Variants in CERS3 observed in about 807,000 individuals in gnomAD.
CERS3 encodes the protein LAG1 homolog, ceramide synthase 3.
Under a neutral mutation model 50.3 loss-of-function variants are expected in CERS3, and 33 were observed. That is an observed-to-expected ratio of 0.66 (90% confidence interval 0.50 to 0.88). The LOEUF (loss-of-function observed/expected upper bound fraction) is 0.88, where lower values mean the gene tolerates loss of function less well. Among genes scored for constraint, CERS3 ranks in the 40% least tolerant of loss-of-function variants. CERS3 has a pLI of 0.00. For synonymous variants in CERS3, 176 were observed against 155.2 expected (o/e 1.13, Z -0.99); for missense variants, 470 against 460.3 (o/e 1.02, Z -0.19).
chr15:100,457,511 C>T (rs1163018711), intron 10 of CERS3, among the ~76,000 whole-genome samples: 1 of 152,222 alleles, frequency 6.6e-6, no homozygotes, highest in Non-Finnish European at 1.5e-5. Context: ...CAATAGCATG[C>T]TCCTTCTTAT....
intron 1 of CERS3, among the ~76,000 whole-genome samples, chr15:100,535,556 A>T (rs915590256): frequency 6.9e-6 from 1 of 145,806 alleles, no homozygotes; most frequent in African/African-American, 2.5e-5. Flanking sequence ...GCTCATATGT[A>T]AGCACGATTA....
chr15:100,463,155 C>A (rs1164288764), intron 10 of CERS3, among the ~76,000 whole-genome samples: 1 of 152,088 alleles, frequency 6.6e-6, no homozygotes, highest in African/African-American at 2.4e-5. Flanking sequence ...CTGTAGTATA[C>A]TAGAAATTTC....
At chr15:100,521,610 A>C (rs1171187918) in intron 2 of CERS3, 57 bp downstream of exon 2, 1 of 152,202 alleles carries the variant, frequency 6.6e-6, no homozygotes, top group East Asian at 1.9e-4. Context: ...TAATTTCCCA[A>C]GATTATAGTT....
Position 100,402,883 on chromosome 15 carries a change from T to C in CERS3, c.1000-18A>G, listed in dbSNP as rs1466704782. 3 of 1,568,488 alleles carry C rather than the reference T, an allele frequency of 1.9e-6. No individual in the cohort carries two copies. Among genetic ancestry groups the C allele is most frequent in the Middle Eastern group, 1.7e-4 (1 of 5,992 alleles). On this transcript the variant is annotated intron_variant, in intron 11 of 11. Coordinates refer to ENST00000679737, the MANE Select transcript of CERS3 (RefSeq NM_001378789.1). Reference sequence around the variant, plus strand: ...TGGATGCTCTAGACAAAGGAAAGAATTGGCTGTGAGTGACAATCTTCCAGG... The same window carrying C: ...TGGATGCTCTAGACAAAGGAAAGAACTGGCTGTGAGTGACAATCTTCCAGG...
intron 11 of CERS3, among the ~76,000 whole-genome samples, chr15:100,442,205 A>G (rs1404167079): frequency 1.3e-5 from 2 of 152,164 alleles, no homozygotes; most frequent in African/African-American, 4.8e-5. Flanking sequence ...AGCCCAGTTC[A>G]TGACTCGTTT....
intron 8 of CERS3, among the ~76,000 whole-genome samples, chr15:100,473,297 C>T (rs975321337): frequency 1.3e-5 from 2 of 152,074 alleles, no homozygotes; most frequent in Non-Finnish European, 2.9e-5. Flanking sequence ...CACACACTGC[C>T]CCCCAACACA....
chr15:100,491,737 T>G (rs2142301064), intron 3 of CERS3, among the ~76,000 whole-genome samples: 1 of 152,304 alleles, frequency 6.6e-6, no homozygotes, highest in African/African-American at 2.4e-5. Flanking sequence ...ATTGCTGTAT[T>G]CTATTAAGTT....
Position 100,522,516 on chromosome 15 carries a change from C to G in CERS3, c.-91-760G>C, listed in dbSNP as rs73475758. ...GCCTCTCCCTGTCACCACCATGGAT[C>G]CGTGTTGCCTGTTCTTGAACTTTAT... is the stretch of plus-strand genomic sequence containing the variant. On this transcript the variant is annotated intron_variant, in intron 1 of 11. Transcript: ENST00000679737. 8.5e-3 allele frequency among the ~76,000 whole-genome samples: 1,295 copies of G among 152,326 alleles called. 23 individuals carry two copies. Among genetic ancestry groups the G allele is most frequent in the African/African-American group, 0.029 (1,217 of 41,556 alleles).
intron 11 of CERS3, among the ~76,000 whole-genome samples, chr15:100,403,714 A>G (rs1270093095): frequency 6.6e-6 from 1 of 152,272 alleles, no homozygotes; most frequent in Non-Finnish European, 1.5e-5. Context: ...TAATCTGGAT[A>G]GTCATATAAC....
intron 11 of CERS3, among the ~76,000 whole-genome samples, chr15:100,432,877 G>A (rs991544283): frequency 4.6e-5 from 7 of 152,136 alleles, no homozygotes; most frequent in African/African-American, 1.4e-4. Flanking sequence ...GCTGCTCTGC[G>A]GAGCTCTCCA....
intron 3 of CERS3, among the ~76,000 whole-genome samples, chr15:100,496,767 G>T (rs1022674012): frequency 2.0e-5 from 3 of 152,052 alleles, no homozygotes; most frequent in Non-Finnish European, 2.9e-5. Flanking sequence ...GTCAATTCTA[G>T]GACTTACTTA....
chr15:100,478,419 C>T (rs958320040), intron 7 of CERS3, among the ~76,000 whole-genome samples: 1 of 152,070 alleles, frequency 6.6e-6, no homozygotes, highest in Non-Finnish European at 1.5e-5. Flanking sequence ...CCTTGGTAGA[C>T]AGCATGTAGT....
chr15:100,495,705 A>T (rs1011709111), intron 3 of CERS3, among the ~76,000 whole-genome samples: 2 of 152,168 alleles, frequency 1.3e-5, no homozygotes, highest in African/African-American at 4.8e-5. Context: ...TATGTTTTAC[A>T]TATAATTTCT....
At chr15:100,449,683 C>G (rs2034080589) in intron 11 of CERS3, among the ~76,000 whole-genome samples, 1 of 152,172 alleles carries the variant, frequency 6.6e-6, no homozygotes, top group Non-Finnish European at 1.5e-5. Context: ...TGCATGCACC[C>G]AGAATCACAA....
At chr15:100,409,639 G>A (rs2031324162) in intron 11 of CERS3, among the ~76,000 whole-genome samples, 1 of 152,192 alleles carries the variant, frequency 6.6e-6, no homozygotes, top group East Asian at 1.9e-4. Context: ...TGCTTTGACT[G>A]AGTGCCAAGA....
At chr15:100,536,764 C>T (rs576236621) in intron 1 of CERS3, among the ~76,000 whole-genome samples, 1 of 152,292 alleles carries the variant, frequency 6.6e-6, no homozygotes, top group African/African-American at 2.4e-5. Flanking sequence ...CTGGGCTGGG[C>T]ACCTCAGTCA....
At chr15:100,410,573 A>G (rs1435591906) in intron 11 of CERS3, among the ~76,000 whole-genome samples, 1 of 152,108 alleles carries the variant, frequency 6.6e-6, no homozygotes, top group East Asian at 1.9e-4. Context: ...ACATTCCAAG[A>G]CTCACTCATT....
At chr15:100,410,747 C>T (rs1450752954) in intron 11 of CERS3, among the ~76,000 whole-genome samples, 1 of 152,222 alleles carries the variant, frequency 6.6e-6, no homozygotes. Context: ...ACCAAGACAA[C>T]AGCCCTGACT....
intron 11 of CERS3, chr15:100,408,658 G>A (rs987420951): frequency 3.9e-5 from 6 of 152,058 alleles, no homozygotes; most frequent in Admixed American, 2.0e-4. Context: ...ATTTCCCTGC[G>A]GTAAGAGTTT....
Sources: allele counts gnomAD v4.1 joint callset (sites outside exome capture counted in the v4.1 genomes callset), GRCh38; gene constraint gnomAD v4.1.1; transcripts MANE v1.5; gene names NCBI Gene and HGNC (gene_info 2026-07-23, HGNC 2026-07-21).